Variants in MAN1A1 observed in about 807,000 individuals in gnomAD.
The protein encoded by MAN1A1 is mannosidase alpha class 1A member 1.
A neutral mutation model predicts 70.8 loss-of-function variants in MAN1A1; 29 were observed. That is an observed-to-expected ratio of 0.41 (90% CI 0.31 to 0.56). MAN1A1 has a LOEUF of 0.56. MAN1A1 is among the 20% of genes least tolerant of loss of function. MAN1A1 has a pLI of 0.29. For synonymous variants in MAN1A1, 349 were observed against 330.1 expected (o/e 1.06, Z -0.62); for missense variants, 747 against 841.3 (o/e 0.89, Z 1.39).
At chr6:119,344,979 A>G (rs549610997) in intron 2 of MAN1A1, among the ~76,000 whole-genome samples, 2 of 152,330 alleles carry the variant, frequency 1.3e-5, no homozygotes, top group African/African-American at 2.4e-5. Flanking sequence ...GCCAGTCTGC[A>G]CATACCCCTA....
intron 6 of MAN1A1, among the ~76,000 whole-genome samples, chr6:119,226,356 T>A (rs1433171405): frequency 6.6e-6 from 1 of 152,172 alleles, no homozygotes; most frequent in Non-Finnish European, 1.5e-5. Flanking sequence ...ACGCTGCACA[T>A]GACACTGGCT....
chr6:119,348,375 T>C (rs1183247519), intron 2 of MAN1A1, 88 bp downstream of exon 2: 77 of 1,291,768 alleles, frequency 6.0e-5, no homozygotes, highest in Non-Finnish European at 7.0e-5. Flanking sequence ...TACATTGCAT[T>C]GTTGCAGTCT....
At chr6:119,303,521 C>A (rs1218546079) in intron 3 of MAN1A1, among the ~76,000 whole-genome samples, 1 of 152,138 alleles carries the variant, frequency 6.6e-6, no homozygotes, top group African/African-American at 2.4e-5. Flanking sequence ...CTTAAAATAT[C>A]CCCTTGAAAC....
chr6:119,197,438 G>A (rs1433784282), intron 8 of MAN1A1, among the ~76,000 whole-genome samples: 1 of 152,166 alleles, frequency 6.6e-6, no homozygotes, highest in African/African-American at 2.4e-5. Flanking sequence ...ATATGACTAA[G>A]ACATGGTTAC....
At chr6:119,253,562 G>A (rs1775383124) in intron 5 of MAN1A1, among the ~76,000 whole-genome samples, 2 of 152,210 alleles carry the variant, frequency 1.3e-5, no homozygotes, top group Admixed American at 6.5e-5. Context: ...TCAGAAGGAT[G>A]CAGAAAATGC....
chr6:119,284,157 A>G (rs1225066187), intron 5 of MAN1A1, among the ~76,000 whole-genome samples: 1 of 152,198 alleles, frequency 6.6e-6, no homozygotes, highest in East Asian at 1.9e-4. Context: ...TCTCGAGGCC[A>G]TGAGCAGTGT....
At chr6:119,245,137 C>T (rs1040314253) in intron 6 of MAN1A1, among the ~76,000 whole-genome samples, 5 of 152,136 alleles carry the variant, frequency 3.3e-5, no homozygotes, top group African/African-American at 1.2e-4. Context: ...TTCAGTGTCT[C>T]TCCAGTGGTA....
intron 6 of MAN1A1, among the ~76,000 whole-genome samples, chr6:119,234,387 G>A (rs1001438785): frequency 1.3e-5 from 2 of 152,036 alleles, no homozygotes; most frequent in African/African-American, 4.8e-5. Context: ...ATATGTGTGT[G>A]TGTATGTATG....
At chr6:119,182,438 C>T (rs374073764) in intron 11 of MAN1A1, among the ~76,000 whole-genome samples, 45 of 151,824 alleles carry the variant, frequency 3.0e-4, no homozygotes, top group East Asian at 2.9e-3. Context: ...AGCTCAATGT[C>T]AAGGAGCTTT....
At chr6:119,269,422 C>G in intron 5 of MAN1A1, 1 of 177,588 alleles carries the variant, frequency 5.6e-6, no homozygotes. Flanking sequence ...TCCCATTAAA[C>G]ACCTTGGGGT....
intron 11 of MAN1A1, among the ~76,000 whole-genome samples, chr6:119,187,322 C>A (rs1369863073): frequency 6.6e-6 from 1 of 152,076 alleles, no homozygotes; most frequent in African/African-American, 2.4e-5. Context: ...CAAAACAATT[C>A]CCTATCACCA....
At chr6:119,251,429 C>T (rs1775313865) in intron 5 of MAN1A1, among the ~76,000 whole-genome samples, 1 of 152,162 alleles carries the variant, frequency 6.6e-6, no homozygotes, top group Non-Finnish European at 1.5e-5. Context: ...ACTTTATTTA[C>T]ACATTCTCTC....
At position 119,213,571 on chromosome 6, in the gene MAN1A1, T is replaced by C. The variant is rs74343003; in HGVS notation, c.993-8689A>G. 1.7e-3 allele frequency among the ~76,000 whole-genome samples: 260 copies of C among 152,310 alleles called. 1 individual carries two copies. The highest frequency in any genetic ancestry group is 6.0e-3 in the African/African-American group (250 of 41,568). ...CTTAGAAACACCTTTATATAAAATA[T>C]AGTCAGCGTTAAAGGACAATCTGCA... is the stretch of plus-strand genomic sequence containing the variant. On this transcript the variant is annotated intron_variant, in intron 6 of 12. Coordinates refer to ENST00000368468, the MANE Select transcript of MAN1A1 (RefSeq NM_005907.4).
At chr6:119,254,903 T>C (rs1401894105) in intron 5 of MAN1A1, among the ~76,000 whole-genome samples, 1 of 152,214 alleles carries the variant, frequency 6.6e-6, no homozygotes, top group East Asian at 1.9e-4. Flanking sequence ...GTTAAGAATT[T>C]CAAAATAACT....
At chr6:119,214,621 G>GC (rs1448087257) in intron 6 of MAN1A1, among the ~76,000 whole-genome samples, 1 of 152,104 alleles carries the variant, frequency 6.6e-6, no homozygotes, top group East Asian at 1.9e-4. Context: ...CTGGGCTCAA[G>GC]CACTCTTCCC....
At chr6:119,302,800 A>T (rs1377249700) in intron 3 of MAN1A1, among the ~76,000 whole-genome samples, 1 of 152,184 alleles carries the variant, frequency 6.6e-6, no homozygotes, top group Non-Finnish European at 1.5e-5. Flanking sequence ...AATTAGATCT[A>T]AAATTGTTTA....
At chr6:119,223,050 AGGG>A (rs1383075679) in intron 6 of MAN1A1, among the ~76,000 whole-genome samples, 1 of 152,180 alleles carries the variant, frequency 6.6e-6, no homozygotes, top group Non-Finnish European at 1.5e-5. Context: ...TGGTTTAAAA[AGGG>A]GGGAAGGGAA....
chr6:119,322,372 T>C (rs541973649), intron 2 of MAN1A1, among the ~76,000 whole-genome samples: 1 of 152,278 alleles, frequency 6.6e-6, no homozygotes, highest in East Asian at 1.9e-4. Flanking sequence ...ATTACTACTA[T>C]GATATGCCTT....
At chr6:119,350,475 G>T, upstream of MAN1A1, 1 of 975,484 alleles carries the variant, frequency 1.0e-6, no homozygotes, top group East Asian at 1.1e-4. Context: ...ACAAAAAACC[G>T]AAAAAACTTG....
Sources: allele counts gnomAD v4.1 joint callset (sites outside exome capture counted in the v4.1 genomes callset), GRCh38; gene constraint gnomAD v4.1.1; transcripts MANE v1.5; gene names NCBI Gene and HGNC (gene_info 2026-07-23, HGNC 2026-07-21).